Variants in POTEF observed in about 807,000 individuals in gnomAD.
POTEF encodes POTE ankyrin domain family member F.
Under a neutral mutation model 83.2 loss-of-function variants are expected in POTEF, and 20 were observed. That is an observed-to-expected ratio of 0.24 (90% CI 0.17 to 0.35). The LOEUF (loss-of-function observed/expected upper bound fraction) is 0.35, where lower values mean the gene tolerates loss of function less well. Among genes scored for constraint, POTEF ranks in the 10% least tolerant of loss-of-function variants. The probability of loss-of-function intolerance (pLI) is 1.00; values close to 1 mark genes in which losing one functional copy is unlikely to be tolerated. For missense variants in POTEF, 550 were observed against 1,203.2 expected (o/e 0.46, Z 8.03); for synonymous variants, 196 against 446.4 (o/e 0.44, Z 7.07).
At chr2:130,088,940 T>TA (rs1684068611) in intron 12 of POTEF, among the ~76,000 whole-genome samples, 1 of 152,184 alleles carries the variant, frequency 6.6e-6, no homozygotes, top group Non-Finnish European at 1.5e-5. Flanking sequence ...TTTCCCCAAA[T>TA]AAACAGGTAC....
At chr2:130,126,447 TG>T (rs1169155109) in intron 2 of POTEF, among the ~76,000 whole-genome samples, 1 of 151,922 alleles carries the variant, frequency 6.6e-6, no homozygotes, top group Non-Finnish European at 1.5e-5. Flanking sequence ...AGAGATGAAA[TG>T]GCTGTTTGCC....
intron 5 of POTEF, among the ~76,000 whole-genome samples, chr2:130,113,425 C>T (rs1049955721): frequency 1.4e-5 from 2 of 140,076 alleles, no homozygotes; most frequent in Admixed American, 1.5e-4. Flanking sequence ...TCTAGAGATA[C>T]CTTAAGTTTC....
chr2:130,109,435 A>G (rs955383108), intron 7 of POTEF: 2 of 144,776 alleles, frequency 1.4e-5, no homozygotes, highest in African/African-American at 5.4e-5. Flanking sequence ...TAGAGTTTGA[A>G]AATATCTTAA....
Position 130,075,054 on chromosome 2 carries a change from G to C in POTEF, c.2418C>G (p.Thr806=). The C allele has an allele frequency of 6.2e-7, 1 of 1,613,808 alleles. No individual in the cohort carries two copies. Among genetic ancestry groups the C allele is most frequent in the Non-Finnish European group, 8.5e-7 (1 of 1,179,968 alleles). Residue 806 remains threonine (T), a synonymous_variant, in exon 17 of 17, where the codon ACC becomes ACG. Transcript: ENST00000409914. The part of the protein sequence containing the change: ...VAPEEHPVLL[T]EATLNPKANR... ...TGGCCTTAGGGTTCAGGGTGGCCTC[G>C]GTCAGCAGGACGGGGTGCTCCTCGG...
At chr2:130,110,186 A>G (rs1684670651) in intron 7 of POTEF, among the ~76,000 whole-genome samples, 1 of 151,580 alleles carries the variant, frequency 6.6e-6, no homozygotes, top group Non-Finnish European at 1.5e-5. Flanking sequence ...AGACAGTACA[A>G]GACTTTCCGC....
chr2:130,114,285 A>G (rs1206208649), intron 5 of POTEF, among the ~76,000 whole-genome samples: 1 of 151,866 alleles, frequency 6.6e-6, no homozygotes, highest in Admixed American at 6.6e-5. Flanking sequence ...AAATCAGTCA[A>G]CAACAACAAC....
chr2:130,109,268 C>T (rs1194274458), intron 7 of POTEF: 4 of 146,330 alleles, frequency 2.7e-5, no homozygotes, highest in Non-Finnish European at 4.5e-5. Flanking sequence ...TAACTTTCCC[C>T]GTATTGTTCC....
At chr2:130,104,566 C>G (rs1461691947) in intron 8 of POTEF, among the ~76,000 whole-genome samples, 3 of 151,552 alleles carry the variant, frequency 2.0e-5, no homozygotes, top group Non-Finnish European at 4.4e-5. Flanking sequence ...GTGTATTTCA[C>G]AGAAAATGAT....
intron 8 of POTEF, among the ~76,000 whole-genome samples, chr2:130,104,368 C>T (rs1385636635): frequency 1.2e-4 from 17 of 145,092 alleles, no homozygotes; most frequent in Non-Finnish European, 7.5e-5. Flanking sequence ...CTACCCAGTC[C>T]GTAAATTCTA....
At position 130,076,623 on chromosome 2, in the gene POTEF, G is replaced by T. The variant is rs566244725; in HGVS notation, c.1899+458C>A. The stretch of plus-strand genomic sequence containing the variant: ...TTTACATTGAAATGAGAAACTACTT[G>T]GAGCAAACTGTTCCTCTCTGCAAAA... On this transcript the variant is annotated intron_variant, in intron 16 of 16. Coordinates refer to ENST00000409914, the MANE Select transcript of POTEF (RefSeq NM_001099771.2). 9.4e-4 allele frequency among the ~76,000 whole-genome samples: 133 copies of T among 141,654 alleles called. 7 individuals carry two copies. The highest frequency in any genetic ancestry group is 3.5e-3 in the African/African-American group (127 of 36,262). 92.9% of individuals were successfully genotyped at this position (141,654 alleles called of 152,430 possible).
In POTEF at chr2:130,084,415, CAGTT is replaced by C. The variant is rs1361641758; in HGVS notation, c.1778+1395_1778+1398del. ...TTATTCACTTTACAGTCCATAGTGT[CAGTT>C]AGCTGGGTGTGATGTTGCACACCCG... On this transcript the variant is annotated intron_variant, in intron 15 of 16. Coordinates refer to ENST00000409914, the MANE Select transcript of POTEF (RefSeq NM_001099771.2). Among the ~76,000 whole-genome samples the C allele has an allele frequency of 4.4e-4, 13 of 29,658 alleles. No homozygotes were observed. In the South Asian group the frequency reaches 0.014, roughly 33 times the overall value. The allele number at this position is 29,658 out of a possible 152,430, so 19.5% of individuals were successfully genotyped here. A position where few individuals can be genotyped will look rare whatever the true frequency, so the allele number is the denominator to read the frequency against.
At position 130,120,618 on chromosome 2, in the gene POTEF, G is replaced by A. The variant is rs560440101; in HGVS notation, c.-93-10C>T. 3 of 1,584,462 alleles carry A rather than the reference G, an allele frequency of 1.9e-6. No individual in the cohort carries two copies. Among genetic ancestry groups the A allele is most frequent in the African/African-American group, 1.4e-5 (1 of 74,058 alleles). On this transcript the variant is annotated splice_polypyrimidine_tract_variant and intron_variant, in intron 2 of 16. Coordinates refer to ENST00000409914, the MANE Select transcript of POTEF (RefSeq NM_001099771.2). ...ACTCCGGGTTTCCAATCTGTTTGAA[G>A]AGAAAAGTCAATCCCAGCCAAAACC...
chr2:130,104,904 G>A (rs1461736094), intron 8 of POTEF, among the ~76,000 whole-genome samples: 2 of 151,120 alleles, frequency 1.3e-5, no homozygotes, highest in Non-Finnish European at 2.9e-5. Flanking sequence ...ATAAATGCTG[G>A]TTATCCAATT....
rs28739440 is a variant in POTEF at position 130,087,621 on chromosome 2, A to C, written c.1551+446T>G. On this transcript the variant is annotated intron_variant, in intron 13 of 16. Coordinates refer to ENST00000409914, the MANE Select transcript of POTEF (RefSeq NM_001099771.2). ...TGATTTTATTACAATAAATTTTAAG[A>C]ATCTATTAAAATTTTTTTTTTTTTT... 3.6e-3 allele frequency among the ~76,000 whole-genome samples: 343 copies of C among 94,258 alleles called. 4 individuals carry two copies. The highest frequency in any genetic ancestry group is 0.014 in the African/African-American group (324 of 22,714). 61.8% of individuals were successfully genotyped at this position (94,258 alleles called of 152,430 possible). A position where few individuals can be genotyped will look rare whatever the true frequency, so the allele number is the denominator to read the frequency against.
chr2:130,103,730 CAG>C (rs1273442487), intron 8 of POTEF, among the ~76,000 whole-genome samples: 1 of 148,576 alleles, frequency 6.7e-6, no homozygotes, highest in African/African-American at 2.5e-5. Flanking sequence ...CATGCCCAAG[CAG>C]AGACTTAAAT....
chr2:130,118,493 A>G (rs1211532235), intron 3 of POTEF, among the ~76,000 whole-genome samples: 1 of 151,780 alleles, frequency 6.6e-6, no homozygotes, highest in Non-Finnish European at 1.5e-5. Context: ...GCAGGAGTTC[A>G]AGACCTGCCT....
intron 8 of POTEF, among the ~76,000 whole-genome samples, chr2:130,105,038 A>C (rs2104806089): frequency 6.7e-6 from 1 of 150,012 alleles, no homozygotes; most frequent in East Asian, 1.9e-4. Flanking sequence ...CTTCGTCCTC[A>C]CATCCAGGTT....
intron 3 of POTEF, among the ~76,000 whole-genome samples, chr2:130,118,063 T>C (rs1220062032): frequency 1.1e-4 from 17 of 151,708 alleles, no homozygotes; most frequent in South Asian, 2.1e-4. Context: ...GCTTCAGCCT[T>C]CTAAGTAGCT....
rs370222435 is a variant in POTEF, at chr2:130,120,444, C to T, written c.72G>A (p.Met24Ile). The change falls in exon 3 of 17, where the codon ATG becomes ATA. Residue 24 changes from methionine (M) to isoleucine (I), a missense_variant. By Grantham distance (10) the Met-to-Ile change is conservative (BLOSUM62 1). Coordinates refer to ENST00000409914, the MANE Select transcript of POTEF (RefSeq NM_001099771.2). ...GGAAGCAACGGCAGCACCACTTGCC[C>T]ATCTTGCTCCTGAGACCAAATGGCT... ...VKKPFGLRSK[M>I]GKWCCRCFPC... 406 of 1,613,544 alleles carry T rather than the reference C, an allele frequency of 2.5e-4. No homozygotes were observed. Among genetic ancestry groups the T allele is most frequent in the Non-Finnish European group, 3.3e-4 (395 of 1,179,886 alleles).
Sources: allele counts gnomAD v4.1 joint callset (sites outside exome capture counted in the v4.1 genomes callset), GRCh38; gene constraint gnomAD v4.1.1; transcripts MANE v1.5; gene names NCBI Gene and HGNC (gene_info 2026-07-23, HGNC 2026-07-21).